Variants in INPP5B observed in about 807,000 individuals in gnomAD.
INPP5B encodes the protein inositol polyphosphate-5-phosphatase B, also known as type II inositol 1,4,5-trisphosphate 5-phosphatase.
A neutral mutation model predicts 118.5 loss-of-function variants in INPP5B; 90 were observed. The observed-to-expected ratio is 0.76, with a 90% confidence interval of 0.64 to 0.90. The LOEUF (loss-of-function observed/expected upper bound fraction) is 0.90. Ranked by LOEUF, INPP5B falls within the 40% of genes least tolerant of loss-of-function variation. The pLI is 0.00. For synonymous variants in INPP5B, 385 were observed against 418.9 expected, an observed-to-expected ratio of 0.92 and a Z score of 0.99; for missense variants, 984 against 1,125.6, an observed-to-expected ratio of 0.87 and a Z score of 1.80.
intron 13 of INPP5B, 115 bp downstream of exon 13, chr1:37,885,523 A>T (rs1236729026): frequency 3.8e-6 from 3 of 785,094 alleles, no homozygotes; most frequent in Non-Finnish European, 6.2e-6. Context: ...AAGAGGTGGG[A>T]GCTACCACCA....
At chr1:37,872,746 G>A (rs963853915) in intron 19 of INPP5B, among the ~76,000 whole-genome samples, 184 bp downstream of exon 19, 7 of 151,542 alleles carry the variant, frequency 4.6e-5, no homozygotes, top group Admixed American at 2.0e-4. Flanking sequence ...GCAATAACTC[G>A]GTGTTAAAAA....
At chr1:37,880,221 A>T (rs754688158) in intron 14 of INPP5B, 27 bp from the exon 15 acceptor site, 9 of 1,552,550 alleles carry the variant, frequency 5.8e-6, no homozygotes, top group African/African-American at 5.4e-5. Flanking sequence ...GAGAAAAAAA[A>T]ATATCAGAAT....
chr1:37,875,783 G>A (rs1001797695), intron 16 of INPP5B, 67 bp from the exon 17 acceptor site: 10 of 1,111,410 alleles, frequency 9.0e-6, no homozygotes, highest in Non-Finnish European at 1.4e-5. Flanking sequence ...CAGTATAGAC[G>A]GCATTCACAG....
intron 7 of INPP5B, among the ~76,000 whole-genome samples, chr1:37,894,561 C>CTTTT (rs759895009): frequency 7.2e-6 from 1 of 139,044 alleles, no homozygotes; most frequent in Admixed American, 7.2e-5. Flanking sequence ...TTTCTTTTTT[C>CTTTT]TTTTTTTTTT....
chr1:37,897,038 C>T, intron 7 of INPP5B, among the ~76,000 whole-genome samples: 1 of 148,054 alleles, frequency 6.8e-6, no homozygotes, highest in Non-Finnish European at 1.5e-5. Context: ...AGGGGCACCT[C>T]TGCCCGGCTG....
chr1:37,907,419 G>A lies in INPP5B; in HGVS notation c.533-15965C>T, dbSNP rs1192082731. ...TCAGCATGAAGAAGTTACAGAAGATGGATTTTCATCCCTTTGCAACCCTTA... is the reference window on the plus strand; with the variant it reads ...TCAGCATGAAGAAGTTACAGAAGATAGATTTTCATCCCTTTGCAACCCTTA... On this transcript the variant is annotated intron_variant, in intron 7 of 23. Transcript: ENST00000373024. This position sits in a 1 kb window ranked among gnomAD's most constrained non-coding sequence, Gnocchi z 4.3. Among the ~76,000 whole-genome samples, 3 of 152,146 alleles carry A rather than the reference G, an allele frequency of 2.0e-5. No individual in the cohort carries two copies. Among genetic ancestry groups the A allele is most frequent in the Non-Finnish European group, 4.4e-5 (3 of 68,026 alleles).
intron 10 of INPP5B, 106 bp downstream of exon 10, chr1:37,888,137 G>C (rs1169362568): frequency 1.7e-6 from 1 of 596,466 alleles, no homozygotes; most frequent in Non-Finnish European, 2.7e-6. Context: ...GCTGTTATCA[G>C]GCATCTGTTC....
At chr1:37,936,907 C>T (rs1444137018) in intron 6 of INPP5B, among the ~76,000 whole-genome samples, 6 of 151,930 alleles carry the variant, frequency 3.9e-5, no homozygotes, top group Non-Finnish European at 8.8e-5. Context: ...CTGGCGCTAT[C>T]GTTTACCAGC....
chr1:37,866,714 C>A (rs1343384002), intron 20 of INPP5B, among the ~76,000 whole-genome samples, 171 bp from the exon 21 acceptor site: 1 of 152,160 alleles, frequency 6.6e-6, no homozygotes, highest in African/African-American at 2.4e-5. Flanking sequence ...ATCTTGCAGG[C>A]CTTCCCTGGC....
In INPP5B at chr1:37,865,828, G is replaced by A; in HGVS notation, c.2447C>T (p.Pro816Leu). 1 of 1,613,794 alleles carries A rather than the reference G, an allele frequency of 6.2e-7. No homozygotes were observed. Among genetic ancestry groups the A allele is most frequent in the Non-Finnish European group, 8.5e-7 (1 of 1,179,814 alleles). ...ATGGTAGGTGCTGTAACAGATGACA[G>A]GCTCTGGAAGGCTCTCCAGGAAAAG... Reference protein sequence around the residue: ...LLLFLESLPEPVICYSTYHNC... With the variant: ...LLLFLESLPELVICYSTYHNC... The change falls in exon 22 of 24, where the codon CCT (proline) becomes CTT (leucine). Residue 816 changes from proline (P) to leucine (L), a missense_variant. Transcript: ENST00000373024.
At chr1:37,933,577 G>C (rs1001455629) in intron 6 of INPP5B, among the ~76,000 whole-genome samples, 1 of 151,500 alleles carries the variant, frequency 6.6e-6, no homozygotes, top group African/African-American at 2.4e-5. Context: ...AAAATTAGCC[G>C]GGTGTGGTGG....
At chr1:37,911,660 C>T (rs1426112594) in intron 7 of INPP5B, among the ~76,000 whole-genome samples, 1 of 152,218 alleles carries the variant, frequency 6.6e-6, no homozygotes, top group Non-Finnish European at 1.5e-5. Context: ...AATATTTATA[C>T]TGACTCTAAA....
rs1643576121 is a variant in INPP5B at position 37,886,956 on chromosome 1, G to GT, written c.1062dup (p.Gln355ThrfsTer52). ...TCTGAGATATAAGCTGCATGCTCCT[G>GT]TTTGACATATAACAGCAGCATAATC... On this transcript the variant is annotated frameshift_variant, in exon 12 of 24. Coordinates refer to ENST00000373024, the MANE Select transcript of INPP5B (RefSeq NM_005540.3). LOFTEE classifies it high-confidence loss of function. The GT allele has an allele frequency of 6.2e-7, 1 of 1,614,034 alleles. No homozygotes were observed. The highest frequency in any genetic ancestry group is 1.3e-5 in the African/African-American group (1 of 74,896).
At chr1:37,901,582 T>A (rs1644333634) in intron 7 of INPP5B, among the ~76,000 whole-genome samples, 2 of 152,162 alleles carry the variant, frequency 1.3e-5, no homozygotes, top group Admixed American at 6.5e-5. Context: ...AGCGTACTGA[T>A]GGGAAAATGG....
chr1:37,943,673 TG>T lies in INPP5B; in HGVS notation c.251-5del. 6.2e-7 allele frequency: 1 copy of T among 1,613,992 alleles called. No homozygotes were observed. Among genetic ancestry groups the T allele is most frequent in the Non-Finnish European group, 8.5e-7 (1 of 1,179,964 alleles). On this transcript the variant is annotated splice_polypyrimidine_tract_variant and splice_region_variant and intron_variant, in intron 4 of 23. Coordinates refer to ENST00000373024, the MANE Select transcript of INPP5B (RefSeq NM_005540.3). ...TAGAGTTCACCATCTGGGGACACTG[TG>T]GGGAGGGAAATGAGAATGCCCTTAG...
chr1:37,943,529 A>T, intron 5 of INPP5B, 111 bp downstream of exon 5: 1 of 1,134,624 alleles, frequency 8.8e-7, no homozygotes, highest in Non-Finnish European at 1.3e-6. Flanking sequence ...ACAGGGTCTT[A>T]CTTGCTGCAA....
chr1:37,877,230 T>C lies in INPP5B; in HGVS notation c.1677+958A>G, dbSNP rs547377293. Among the ~76,000 whole-genome samples the C allele has an allele frequency of 5.4e-4, 81 of 151,132 alleles. 1 individual carries two copies. Among genetic ancestry groups the C allele is most frequent in the Admixed American group, 1.3e-3 (19 of 15,122 alleles). Reference sequence around the variant, plus strand: ...GGTGTAATGTGCCTGTAATCCCAGCTACTTGGGAGGCTGAGGCAGGAGAAT... The same window carrying C: ...GGTGTAATGTGCCTGTAATCCCAGCCACTTGGGAGGCTGAGGCAGGAGAAT... On this transcript the variant is annotated intron_variant, in intron 16 of 23. Coordinates refer to ENST00000373024, the MANE Select transcript of INPP5B (RefSeq NM_005540.3).
intron 18 of INPP5B, among the ~76,000 whole-genome samples, chr1:37,873,662 C>T (rs755741604): frequency 3.3e-5 from 5 of 152,138 alleles, no homozygotes; most frequent in Non-Finnish European, 7.3e-5. Flanking sequence ...GATTACTTCC[C>T]CATTATCAAG....
At chr1:37,901,795 G>A (rs907274061) in intron 7 of INPP5B, among the ~76,000 whole-genome samples, 3 of 152,016 alleles carry the variant, frequency 2.0e-5, no homozygotes, top group Admixed American at 6.6e-5. Flanking sequence ...GACCAGATTT[G>A]CCATTACACA....
Sources: allele counts gnomAD v4.1 joint callset (sites outside exome capture counted in the v4.1 genomes callset), GRCh38; gene constraint gnomAD v4.1.1; non-coding constraint Gnocchi (gnomAD v3.1); transcripts MANE v1.5; gene names NCBI Gene and HGNC (gene_info 2026-07-23, HGNC 2026-07-21).